PIK3R1: variants seen among roughly 807,000 people sequenced by gnomAD.
The protein encoded by PIK3R1 is phosphatidylinositol 3-kinase regulatory subunit alpha.
Under a neutral mutation model 98.0 loss-of-function variants are expected in PIK3R1, and 29 were observed. That is an observed-to-expected ratio of 0.30 (90% CI 0.22 to 0.40). The LOEUF is 0.40. Ranked by LOEUF, PIK3R1 falls within the 10% of genes least tolerant of loss-of-function variation. The pLI is 1.00. For missense variants in PIK3R1, 596 were observed against 872.7 expected, an observed-to-expected ratio of 0.68 and a Z score of 3.99; for synonymous variants, 282 against 311.8, an observed-to-expected ratio of 0.90 and a Z score of 1.01.
intron 2 of PIK3R1, among the ~76,000 whole-genome samples, chr5:68,253,725 A>G (rs993928022): frequency 3.3e-5 from 5 of 152,212 alleles, no homozygotes; most frequent in Non-Finnish European, 7.3e-5. Flanking sequence ...AGTATCTACT[A>G]TGAGCTTGGG....
intron 2 of PIK3R1, among the ~76,000 whole-genome samples, chr5:68,261,427 T>C (rs1745742122): frequency 6.6e-6 from 1 of 152,124 alleles, no homozygotes; most frequent in South Asian, 2.1e-4. Context: ...TTTCTACTAG[T>C]GCACAGTGCC....
chr5:68,275,478 G>A (rs569503914), intron 4 of PIK3R1, among the ~76,000 whole-genome samples: 1 of 151,136 alleles, frequency 6.6e-6, no homozygotes, highest in South Asian at 2.1e-4. Context: ...TAGTGGTTAG[G>A]TTTATAATGT....
chr5:68,246,176 A>G (rs1430421517), intron 2 of PIK3R1, among the ~76,000 whole-genome samples: 5 of 152,218 alleles, frequency 3.3e-5, no homozygotes, highest in Non-Finnish European at 7.3e-5. Flanking sequence ...GTTGTGAGCC[A>G]TTCCAAAGTC....
intron 7 of PIK3R1, chr5:68,288,500 T>TG (rs1056734736): frequency 9.1e-5 from 120 of 1,311,672 alleles, no homozygotes; most frequent in Middle Eastern, 2.9e-4. Context: ...GGGCGGGGCG[T>TG]GGGGCGGAGG....
chr5:68,236,069 C>T (rs944704232), intron 2 of PIK3R1, among the ~76,000 whole-genome samples: 1 of 151,050 alleles, frequency 6.6e-6, no homozygotes, highest in Non-Finnish European at 1.5e-5. Context: ...CAGGGTTTCA[C>T]CATATTGGTC....
rs982005542 is a variant in PIK3R1 at position 68,300,708 on chromosome 5, A to C, written c.*3107A>C. The stretch of plus-strand genomic sequence containing the variant: ...CACAGTAGTTGTTGAGTTCAAGTAC[A>C]TAAAGTACATAACAAGCGAACGTCT... On this transcript the variant is annotated 3_prime_UTR_variant, in exon 16 of 16. Transcript: ENST00000521381. 1 of 233,176 alleles carries C rather than the reference A, an allele frequency of 4.3e-6. No individual in the cohort carries two copies. Among genetic ancestry groups the C allele is most frequent in the Non-Finnish European group, 8.5e-6 (1 of 118,040 alleles). The allele number at this position is 233,176 out of a possible 1,614,324, so 14.4% of individuals were successfully genotyped here. A position where few individuals can be genotyped will look rare whatever the true frequency, so the allele number is the denominator to read the frequency against.
At chr5:68,255,980 G>C (rs1011679588) in intron 2 of PIK3R1, among the ~76,000 whole-genome samples, 1 of 152,200 alleles carries the variant, frequency 6.6e-6, no homozygotes, top group Non-Finnish European at 1.5e-5. Context: ...TGAAGCACCT[G>C]GTTGAAAGGA....
intron 2 of PIK3R1, among the ~76,000 whole-genome samples, chr5:68,252,343 G>A (rs1745345459): frequency 6.7e-6 from 1 of 148,666 alleles, no homozygotes; most frequent in African/African-American, 2.5e-5. Flanking sequence ...TGAAAGCAAA[G>A]CTTGTTGCTG....
rs554464100 is a variant in PIK3R1 at position 68,238,599 on chromosome 5, A to G, written c.334+11590A>G. 3.3e-5 allele frequency among the ~76,000 whole-genome samples: 5 copies of G among 152,364 alleles called. No homozygotes were observed. In the South Asian group the frequency reaches 1.0e-3, roughly 32 times the overall value. On this transcript the variant is annotated intron_variant, in intron 2 of 15. Transcript: ENST00000521381. Reference sequence around the variant, plus strand: ...AAGTTAAAAATGTAATAGCATATTAAAATTCATGTGTAAGGGGGTAATGAG... The same window carrying G: ...AAGTTAAAAATGTAATAGCATATTAGAATTCATGTGTAAGGGGGTAATGAG...
chr5:68,246,436 C>G (rs1253410450), intron 2 of PIK3R1, among the ~76,000 whole-genome samples: 1 of 151,996 alleles, frequency 6.6e-6, no homozygotes, highest in Non-Finnish European at 1.5e-5. Context: ...CCTTAGCCCC[C>G]CAGGTAGCTG....
chr5:68,240,242 G>C (rs1008962781), intron 2 of PIK3R1, among the ~76,000 whole-genome samples: 1 of 152,094 alleles, frequency 6.6e-6, no homozygotes, highest in Non-Finnish European at 1.5e-5. Flanking sequence ...CTTTATAATT[G>C]AGTGTACTGT....
chr5:68,294,618 G>A lies in PIK3R1; in HGVS notation c.1508G>A (p.Arg503Gln), dbSNP rs765178503. 16 of 1,611,580 alleles carry A rather than the reference G, an allele frequency of 9.9e-6. No individual in the cohort carries two copies. The highest frequency in any genetic ancestry group is 3.4e-5 in the Admixed American group (2 of 59,688). Reference sequence around the variant, plus strand: ...GAAGAACAGTGCCAGACCCAAGAGCGGTACAGCAAAGAATACATAGAAAAG... The same window carrying A: ...GAAGAACAGTGCCAGACCCAAGAGCAGTACAGCAAAGAATACATAGAAAAG... ...IFEEQCQTQERYSKEYIEKFK... is the reference protein window; with the variant it reads ...IFEEQCQTQEQYSKEYIEKFK... Residue 503 changes from arginine (R) to glutamine (Q), a missense_variant, in exon 12 of 16, where the codon CGG (arginine) becomes CAG (glutamine). This residue lies in a region of PIK3R1 where 207 missense variants were observed against 361.4 expected (regional missense o/e 0.57). Coordinates refer to ENST00000521381, the MANE Select transcript of PIK3R1 (RefSeq NM_181523.3).
intron 2 of PIK3R1, among the ~76,000 whole-genome samples, chr5:68,265,546 T>G (rs1221065256): frequency 6.6e-6 from 1 of 152,114 alleles, no homozygotes; most frequent in Non-Finnish European, 1.5e-5. Context: ...GGGAGAAAGG[T>G]CTCTGGTGCT....
intron 1 of PIK3R1, among the ~76,000 whole-genome samples, chr5:68,220,088 A>G (rs999707533): frequency 3.9e-5 from 6 of 152,224 alleles, no homozygotes; most frequent in South Asian, 2.1e-4. Flanking sequence ...TGCTTTATGT[A>G]TGTCATTTTG....
Position 68,297,524 on chromosome 5 carries a change from C to T in PIK3R1, c.2098C>T (p.His700Tyr), listed in dbSNP as rs1747791967. 2 of 1,614,072 alleles carry T rather than the reference C, an allele frequency of 1.2e-6. No homozygotes were observed. The highest frequency in any genetic ancestry group is 1.7e-6 in the Non-Finnish European group (2 of 1,180,016). Residue 700 changes from histidine (H) to tyrosine (Y), a missense_variant, in exon 16 of 16, where the codon CAC (histidine) becomes TAC (tyrosine). Physicochemically the swap from His to Tyr is moderately conservative, Grantham distance 83 (BLOSUM62 2). Coordinates refer to ENST00000521381, the MANE Select transcript of PIK3R1 (RefSeq NM_181523.3). ...SLKELVLHYQ[H>Y]TSLVQHNDSL... is the part of the protein sequence containing the mutation. Reference sequence around the variant, plus strand: ...GAAAGAACTGGTGCTACATTACCAACACACCTCCCTTGTGCAGCACAACGA... The same window carrying T: ...GAAAGAACTGGTGCTACATTACCAATACACCTCCCTTGTGCAGCACAACGA...
At chr5:68,296,982 C>CCTCAAGG (rs1747753932) in intron 15 of PIK3R1, among the ~76,000 whole-genome samples, 2 of 152,222 alleles carry the variant, frequency 1.3e-5, no homozygotes, top group African/African-American at 2.4e-5. Context: ...TGTGCAGACA[C>CCTCAAGG]CTCAAGGACA....
At chr5:68,246,143 A>G (rs1186870605) in intron 2 of PIK3R1, among the ~76,000 whole-genome samples, 2 of 152,064 alleles carry the variant, frequency 1.3e-5, no homozygotes, top group East Asian at 3.9e-4. Context: ...TACATTATAT[A>G]TCTTCATTAC....
chr5:68,262,486 ATATG>A (rs1327911131), intron 2 of PIK3R1, among the ~76,000 whole-genome samples: 1 of 144,326 alleles, frequency 6.9e-6, no homozygotes, highest in Non-Finnish European at 1.5e-5. Flanking sequence ...ATATATATCT[ATATG>A]TATACATATA....
rs199702526 is a variant in PIK3R1 at position 68,293,233 on chromosome 5, T to G, written c.1118+34T>G. 4.8e-5 allele frequency: 77 copies of G among 1,598,352 alleles called. 1 individual carries two copies. In the East Asian group the frequency reaches 1.4e-3, roughly 28 times the overall value. ...GGGAATATAGCTGAAATTAGGGTTT[T>G]GGGCTGATATTAAAACATATTTCCT... On this transcript the variant is annotated intron_variant, in intron 9 of 15. Coordinates refer to ENST00000521381, the MANE Select transcript of PIK3R1 (RefSeq NM_181523.3).
Sources: gnomAD v4.1 joint callset for allele counts (sites outside exome capture counted in the v4.1 genomes callset) on GRCh38, gnomAD v4.1.1 for gene constraint, gnomAD v4.1.1 regional missense constraint, MANE v1.5 for transcripts, NCBI Gene and HGNC (gene_info 2026-07-23, HGNC 2026-07-21) for gene names.